Variants in TSC22D1 observed in about 807,000 individuals in gnomAD.
TSC22D1 encodes the protein TSC22 domain family member 1, also known as TSC22 domain family protein 1.
Under a neutral mutation model 74.2 loss-of-function variants are expected in TSC22D1, and 9 were observed. The observed-to-expected ratio is 0.12, with a 90% CI of 0.07 to 0.21. The LOEUF (loss-of-function observed/expected upper bound fraction) is 0.21. TSC22D1 is among the 10% of genes least tolerant of loss of function. The probability of loss-of-function intolerance (pLI) is 1.00; values close to 1 mark genes in which losing one functional copy is unlikely to be tolerated. For missense variants in TSC22D1, 1,427 were observed against 1,304.7 expected, an observed-to-expected ratio of 1.09 and a Z score of -1.44; for synonymous variants, 586 against 492.5, an observed-to-expected ratio of 1.19 and a Z score of -2.51.
At chr13:44,458,623 TCC>T (rs1876809571) in intron 1 of TSC22D1, among the ~76,000 whole-genome samples, 1 of 151,952 alleles carries the variant, frequency 6.6e-6, no homozygotes, top group African/African-American at 2.4e-5. Context: ...GACCTGGGCA[TCC>T]CTGTGCTCTC....
At chr13:44,471,401 TAAA>T (rs1451658389) in intron 1 of TSC22D1, among the ~76,000 whole-genome samples, 7 of 152,196 alleles carry the variant, frequency 4.6e-5, no homozygotes, top group Non-Finnish European at 1.0e-4. Flanking sequence ...GATCTCTTGA[TAAA>T]CTCTTACCAT....
intron 1 of TSC22D1, among the ~76,000 whole-genome samples, chr13:44,542,856 C>T (rs1049018062): frequency 6.6e-6 from 1 of 151,950 alleles, no homozygotes; most frequent in African/African-American, 2.4e-5. Flanking sequence ...TTGATGGAAG[C>T]TCCTAAAAAT....
At chr13:44,489,726 A>T (rs1878615238) in intron 1 of TSC22D1, among the ~76,000 whole-genome samples, 1 of 152,212 alleles carries the variant, frequency 6.6e-6, no homozygotes, top group Non-Finnish European at 1.5e-5. Flanking sequence ...AAGAGACTTT[A>T]ACAGGCATTT....
At chr13:44,478,062 TATA>T (rs746733291) in intron 1 of TSC22D1, among the ~76,000 whole-genome samples, 4 of 151,664 alleles carry the variant, frequency 2.6e-5, no homozygotes, top group Non-Finnish European at 2.9e-5. Flanking sequence ...AAATAATAAG[TATA>T]ATAATAATAA....
At chr13:44,566,914 A>G (rs931298644) in intron 1 of TSC22D1, among the ~76,000 whole-genome samples, 3 of 152,204 alleles carry the variant, frequency 2.0e-5, no homozygotes, top group African/African-American at 4.8e-5. Context: ...CCACATCTAT[A>G]TAAGTGGGAT....
rs549935353 is a variant in TSC22D1, at chr13:44,471,407, C to CT, written c.2913-35313dup. On this transcript the variant is annotated intron_variant, in intron 1 of 2. Coordinates refer to ENST00000458659, the MANE Select transcript of TSC22D1 (RefSeq NM_183422.4). ...TAGCACTTGGATCTCTTGATAAACTCTTACCATCACACTTTCCTTTCTGAC... is the reference window on the plus strand; with the variant it reads ...TAGCACTTGGATCTCTTGATAAACTCTTTACCATCACACTTTCCTTTCTGAC... Among the ~76,000 whole-genome samples the CT allele has an allele frequency of 6.6e-5, 10 of 152,278 alleles. No individual in the cohort carries two copies. The South Asian group carries it at 1.9e-3, about 28-fold the overall frequency.
upstream of TSC22D1, chr13:44,576,566 G>GGCC (rs530710121): frequency 6.9e-4 from 107 of 154,018 alleles, 1 homozygote; most frequent in South Asian, 0.01. Context: ...CCACCCCCGG[G>GGCC]GCCGCCGCCG....
At chr13:44,436,264 G>T in intron 1 of TSC22D1, 169 bp from the exon 2 acceptor site, 1 of 883,112 alleles carries the variant, frequency 1.1e-6, no homozygotes, top group Non-Finnish European at 1.7e-6. Flanking sequence ...TCTTACTAAC[G>T]AATATCCAGG....
At chr13:44,562,967 T>C (rs1317816240) in intron 1 of TSC22D1, among the ~76,000 whole-genome samples, 1 of 152,044 alleles carries the variant, frequency 6.6e-6, no homozygotes, top group Non-Finnish European at 1.5e-5. Context: ...TAGCCGATCA[T>C]GGTGGTGCAT....
chr13:44,541,183 C>T (rs12184878), intron 1 of TSC22D1, among the ~76,000 whole-genome samples: 13,266 of 152,262 alleles, frequency 0.087, 743 homozygotes, highest in Non-Finnish European at 0.12. Context: ...TAGCAACCAA[C>T]CAAAGTTAGT....
At chr13:44,526,379 C>A (rs916485579) in intron 1 of TSC22D1, among the ~76,000 whole-genome samples, 2 of 150,408 alleles carry the variant, frequency 1.3e-5, no homozygotes, top group African/African-American at 4.9e-5. Flanking sequence ...AAAACAGCAA[C>A]AGAAAAAAAG....
intron 1 of TSC22D1, chr13:44,538,329 G>A: frequency 1.0e-6 from 1 of 985,332 alleles, no homozygotes; most frequent in Non-Finnish European, 1.2e-6. Flanking sequence ...CAGCGAAGAT[G>A]AGCTAAAAGA....
Position 44,576,272 on chromosome 13 carries a change from T to G in TSC22D1, c.-198A>C. ...CTTCGGAAAGGAGGATGAACGAGGG[T>G]GAACAGGGCGGCCGGGGACCCGAAG... On this transcript the variant is annotated 5_prime_UTR_variant, in exon 1 of 3. Coordinates refer to ENST00000458659, the MANE Select transcript of TSC22D1 (RefSeq NM_183422.4). 1 of 758,706 alleles carries G rather than the reference T, an allele frequency of 1.3e-6. No individual in the cohort carries two copies. The allele number at this position is 758,706 out of a possible 1,614,324, so 47.0% of individuals were successfully genotyped here.
rs1874391131 is a variant in TSC22D1 at position 44,434,725 on chromosome 13, G to T, written c.3123C>A (p.Ala1041=). 6.2e-7 allele frequency: 1 copy of T among 1,613,220 alleles called. No individual in the cohort carries two copies. The highest frequency in any genetic ancestry group is 1.3e-5 in the African/African-American group (1 of 74,880). Residue 1041 remains alanine (A), a synonymous_variant, in exon 3 of 3, where the codon GCC becomes GCA. Coordinates refer to ENST00000458659, the MANE Select transcript of TSC22D1 (RefSeq NM_183422.4). The part of the protein sequence containing the change: ...ASPEQLAQFQ[A]QLQTGSPPAT... ...CAGGGGGGGAGCCAGTCTGCAGCTG[G>T]GCCTGAAACTGGGCAAGCTGCTCAG...
At chr13:44,510,065 T>C (rs1029918851) in intron 1 of TSC22D1, among the ~76,000 whole-genome samples, 1 of 151,054 alleles carries the variant, frequency 6.6e-6, no homozygotes, top group African/African-American at 2.4e-5. Context: ...AAGGAACTTG[T>C]CAGCATATAT....
At chr13:44,461,905 C>T (rs1000230397) in intron 1 of TSC22D1, among the ~76,000 whole-genome samples, 61 of 152,108 alleles carry the variant, frequency 4.0e-4, no homozygotes, top group Non-Finnish European at 7.6e-4. Context: ...GGGTGTTTAC[C>T]GCAGGGGAGT....
chr13:44,448,892 CGTGTGTGTGT>C (rs4053650), intron 1 of TSC22D1, among the ~76,000 whole-genome samples: 1 of 150,188 alleles, frequency 6.7e-6, no homozygotes, highest in South Asian at 2.1e-4. Flanking sequence ...ATTCTAGATC[CGTGTGTGTGT>C]GTGTGTGTGT....
intron 1 of TSC22D1, among the ~76,000 whole-genome samples, chr13:44,545,068 G>C (rs755034565): frequency 6.6e-6 from 1 of 152,178 alleles, no homozygotes; most frequent in Non-Finnish European, 1.5e-5. Flanking sequence ...GGGCACAGTG[G>C]CTCACGCCTG....
At chr13:44,473,708 C>T (rs909087738) in intron 1 of TSC22D1, among the ~76,000 whole-genome samples, 1 of 152,040 alleles carries the variant, frequency 6.6e-6, no homozygotes, top group Non-Finnish European at 1.5e-5. Flanking sequence ...ATCCACATTT[C>T]AAAAGAACCA....
Sources: gnomAD v4.1 joint callset for allele counts (sites outside exome capture counted in the v4.1 genomes callset) on GRCh38, gnomAD v4.1.1 for gene constraint, MANE v1.5 for transcripts, NCBI Gene and HGNC (gene_info 2026-07-23, HGNC 2026-07-21) for gene names.